Variants in TEX36 observed in about 807,000 individuals in gnomAD.
TEX36 encodes the protein testis expressed 36, also known as testis-expressed protein 36.
TEX36 carries 12 observed loss-of-function variants against 13.6 expected under a neutral mutation model. The ratio of observed to expected loss-of-function variants is 0.88; its 90% confidence interval spans 0.56 to 1.43. The LOEUF (loss-of-function observed/expected upper bound fraction) is 1.43, where lower values mean the gene tolerates loss of function less well. TEX36 is among the 40% of genes most tolerant of loss of function. The pLI, the probability that TEX36 is intolerant of heterozygous loss-of-function variation, is 0.00. For synonymous variants in TEX36, 93 were observed against 83.0 expected, an observed-to-expected ratio of 1.12 and a Z score of -0.65; for missense variants, 224 against 228.3, an observed-to-expected ratio of 0.98 and a Z score of 0.12.
At chr10:125,612,207 C>T (rs555993210) in intron 3 of TEX36, among the ~76,000 whole-genome samples, 3 of 151,798 alleles carry the variant, frequency 2.0e-5, no homozygotes, top group South Asian at 4.2e-4. Context: ...CCTCAGCCTC[C>T]GGAGTAGCTG....
At chr10:125,585,882 C>T (rs1387403754) in intron 3 of TEX36, among the ~76,000 whole-genome samples, 1 of 152,232 alleles carries the variant, frequency 6.6e-6, no homozygotes, top group Non-Finnish European at 1.5e-5. Context: ...GTTAAGCTGT[C>T]TTTGTCAGTT....
intron 3 of TEX36, among the ~76,000 whole-genome samples, chr10:125,581,019 G>A (rs1845875273): frequency 6.6e-6 from 1 of 152,140 alleles, no homozygotes; most frequent in South Asian, 2.1e-4. Context: ...GAGTCCCAAG[G>A]ACATTTGTGC....
chr10:125,645,002 G>A (rs1846746534), intron 3 of TEX36, among the ~76,000 whole-genome samples: 1 of 152,156 alleles, frequency 6.6e-6, no homozygotes. Flanking sequence ...AAGCAGGAAA[G>A]CTCAGTCCTC....
chr10:125,627,952 A>G (rs1846507028), intron 3 of TEX36, among the ~76,000 whole-genome samples: 1 of 152,204 alleles, frequency 6.6e-6, no homozygotes, highest in African/African-American at 2.4e-5. Context: ...AGATTAAGAG[A>G]CTTGTCCAGG....
intron 2 of TEX36, among the ~76,000 whole-genome samples, chr10:125,661,519 T>C (rs1847042589): frequency 6.6e-6 from 1 of 152,124 alleles, no homozygotes; most frequent in Non-Finnish European, 1.5e-5. Context: ...AAATGGACCC[T>C]GGCTTCTCCT....
At chr10:125,593,476 A>G (rs1846047156) in intron 3 of TEX36, among the ~76,000 whole-genome samples, 1 of 152,168 alleles carries the variant, frequency 6.6e-6, no homozygotes, top group African/African-American at 2.4e-5. Context: ...GAGTCCCATT[A>G]GGGTAATAAA....
At position 125,621,673 on chromosome 10, in the gene TEX36, T is replaced by A. The variant is rs528061924; in HGVS notation, c.265-28A>T. ...GGGAAAGAGAAAAGCCAGCAGTAGCTCAGTTCAAGTCTGAAAGCCTCAAAC... is the reference window on the plus strand; with the variant it reads ...GGGAAAGAGAAAAGCCAGCAGTAGCACAGTTCAAGTCTGAAAGCCTCAAAC... On this transcript the variant is annotated intron_variant, in intron 3 of 3. Coordinates refer to the TEX36 transcript ENST00000526819. 6 of 455,978 alleles carry A rather than the reference T, an allele frequency of 1.3e-5. No individual in the cohort carries two copies. The East Asian group carries it at 4.2e-4, about 32-fold the overall frequency. 28.2% of individuals were successfully genotyped at this position (455,978 alleles called of 1,614,324 possible).
chr10:125,586,633 T>G (rs1191816096), intron 3 of TEX36, among the ~76,000 whole-genome samples: 1 of 77,444 alleles, frequency 1.3e-5, no homozygotes, highest in Admixed American at 1.5e-4. Flanking sequence ...CTACTAAAAA[T>G]CCAAAAAAAA....
chr10:125,618,391 C>T (rs959680852), downstream of TEX36, among the ~76,000 whole-genome samples: 4 of 152,104 alleles, frequency 2.6e-5, no homozygotes, highest in East Asian at 1.9e-4. Context: ...AGTTTTTCTG[C>T]TCTGTTTTTT....
chr10:125,622,330 T>C (rs1415176882), intron 3 of TEX36, among the ~76,000 whole-genome samples: 1 of 152,130 alleles, frequency 6.6e-6, no homozygotes, highest in African/African-American at 2.4e-5. Context: ...AGAAAAGAAA[T>C]AAAATGAAGA....
chr10:125,650,246 A>G (rs1846832435), intron 3 of TEX36, among the ~76,000 whole-genome samples: 1 of 152,234 alleles, frequency 6.6e-6, no homozygotes, highest in South Asian at 2.1e-4. Flanking sequence ...CATAGTTGGA[A>G]GTAAAGCACT....
chr10:125,661,282 C>A (rs745856498), intron 2 of TEX36, among the ~76,000 whole-genome samples, 181 bp from the exon 3 acceptor site: 1 of 152,138 alleles, frequency 6.6e-6, no homozygotes, highest in African/African-American at 2.4e-5. Context: ...TGCTCATCAG[C>A]GCCGGGCTTT....
intron 1 of TEX36, among the ~76,000 whole-genome samples, chr10:125,671,121 A>C (rs1264904572): frequency 3.3e-5 from 5 of 151,946 alleles, no homozygotes; most frequent in Non-Finnish European, 5.9e-5. Context: ...AATACACTTT[A>C]TTTCTTTCTC....
intron 3 of TEX36, among the ~76,000 whole-genome samples, chr10:125,625,804 A>T (rs1366779210): frequency 1.3e-5 from 2 of 152,246 alleles, no homozygotes; most frequent in African/African-American, 4.8e-5. Context: ...TTCGTGGCAA[A>T]TACTTTCTGT....
intron 3 of TEX36, among the ~76,000 whole-genome samples, chr10:125,589,316 G>C (rs1015166166): frequency 6.6e-6 from 1 of 152,078 alleles, no homozygotes; most frequent in Non-Finnish European, 1.5e-5. Context: ...ATTACCACCC[G>C]TATCTCCTTT....
chr10:125,613,973 C>T (rs923102169), intron 3 of TEX36, among the ~76,000 whole-genome samples: 1 of 152,208 alleles, frequency 6.6e-6, no homozygotes, highest in African/African-American at 2.4e-5. Flanking sequence ...GATTGCCATT[C>T]TAACTGGTGT....
chr10:125,671,865 G>A (rs1285252110), intron 1 of TEX36, among the ~76,000 whole-genome samples: 1 of 152,130 alleles, frequency 6.6e-6, no homozygotes, highest in Non-Finnish European at 1.5e-5. Flanking sequence ...TTGGGAGAAT[G>A]CATGTGTCCA....
intron 3 of TEX36, among the ~76,000 whole-genome samples, chr10:125,624,364 A>G (rs111384235): frequency 0.034 from 5,154 of 152,286 alleles, 114 homozygotes; most frequent in Non-Finnish European, 0.056. Flanking sequence ...GTAGTCAGAG[A>G]CCAGAGAAGA....
chr10:125,652,292 T>C (rs1378275790), downstream of TEX36, among the ~76,000 whole-genome samples: 1 of 152,088 alleles, frequency 6.6e-6, no homozygotes, highest in East Asian at 1.9e-4. Context: ...AACAGAGATA[T>C]AGACCAATGG....
Sources: gnomAD v4.1 joint callset for allele counts (sites outside exome capture counted in the v4.1 genomes callset) on GRCh38, gnomAD v4.1.1 for gene constraint, MANE v1.5 for transcripts, NCBI Gene and HGNC (gene_info 2026-07-23, HGNC 2026-07-21) for gene names.